The following PDE1A variants were observed in gnomAD, a reference collection of about 807,000 sequenced individuals.
The protein encoded by PDE1A is dual specificity calcium/calmodulin-dependent 3',5'-cyclic nucleotide phosphodiesterase 1A.
Under a neutral mutation model 61.7 loss-of-function variants are expected in PDE1A, and 35 were observed. That is an observed-to-expected ratio of 0.57 (90% CI 0.43 to 0.75). The LOEUF is 0.75. Among genes scored for constraint, PDE1A ranks in the 30% least tolerant of loss-of-function variants. The pLI is 0.00. For missense variants in PDE1A, 597 were observed against 630.6 expected, an observed-to-expected ratio of 0.95 and a Z score of 0.57; for synonymous variants, 232 against 213.2, an observed-to-expected ratio of 1.09 and a Z score of -0.77.
At chr2:182,327,016 A>C (rs1362075663) in intron 1 of PDE1A, among the ~76,000 whole-genome samples, 1 of 152,228 alleles carries the variant, frequency 6.6e-6, no homozygotes, top group Admixed American at 6.5e-5. Flanking sequence ...CTGTGATGCT[A>C]AATTGGTTCA....
the PDE1A span, among the ~76,000 whole-genome samples, chr2:182,543,408 T>C: frequency 6.6e-6 from 1 of 152,186 alleles, no homozygotes; most frequent in African/African-American, 2.4e-5. Flanking sequence ...TATATTTCAT[T>C]AGATAAACCA....
chr2:182,687,322 C>G, the PDE1A span, among the ~76,000 whole-genome samples: 1 of 152,194 alleles, frequency 6.6e-6, no homozygotes, highest in Admixed American at 6.5e-5. Context: ...CTGGGTTTCC[C>G]TCTGAGATGA....
intron 1 of PDE1A, among the ~76,000 whole-genome samples, chr2:182,326,023 A>C (rs1431999884): frequency 6.6e-6 from 1 of 152,218 alleles, no homozygotes; most frequent in Non-Finnish European, 1.5e-5. Context: ...AAATGAACAT[A>C]TGAGAAGACA....
intron 2 of PDE1A, among the ~76,000 whole-genome samples, chr2:182,454,453 A>G (rs1181225406): frequency 6.6e-6 from 1 of 152,150 alleles, no homozygotes; most frequent in Non-Finnish European, 1.5e-5. Flanking sequence ...AAGAGCCCGC[A>G]TCGCCAAGTC....
Position 182,238,266 on chromosome 2 carries a change from C to CAAAAAAAAA in PDE1A, c.350+1835_350+1843dup, listed in dbSNP as rs3063250. On this transcript the variant is annotated intron_variant, in intron 3 of 13. Transcript: ENST00000351439. ...CCTGGGTGACAGAGCCAGACTACGT[C>CAAAAAAAAA]AAAAAAAAAAAAAAAAGAAAAAGAA... Among the ~76,000 whole-genome samples, 72 of 97,968 alleles carry CAAAAAAAAA rather than the reference C, an allele frequency of 7.3e-4. 3 individuals carry two copies. The highest frequency in any genetic ancestry group is 2.5e-3 in the African/African-American group (56 of 22,664). The allele number at this position is 97,968 out of a possible 152,430, so 64.3% of individuals were successfully genotyped here.
chr2:182,366,429 C>T (rs943078259), intron 1 of PDE1A, among the ~76,000 whole-genome samples: 2 of 151,948 alleles, frequency 1.3e-5, no homozygotes, highest in Admixed American at 6.6e-5. Context: ...TATGATTTGC[C>T]GTTGGATCTC....
chr2:182,308,035 A>T (rs1695711084), intron 1 of PDE1A, among the ~76,000 whole-genome samples: 2 of 152,208 alleles, frequency 1.3e-5, no homozygotes, highest in Admixed American at 6.5e-5. Context: ...AACAGTTAGC[A>T]TTAAGACACT....
chr2:182,636,451 C>T, the PDE1A span, among the ~76,000 whole-genome samples: 7 of 152,032 alleles, frequency 4.6e-5, no homozygotes, highest in East Asian at 7.8e-4. Context: ...AGTTCAGAAA[C>T]GCTGCTTTCA....
chr2:182,439,579 T>C (rs1684659543), intron 2 of PDE1A, among the ~76,000 whole-genome samples: 1 of 151,952 alleles, frequency 6.6e-6, no homozygotes, highest in Non-Finnish European at 1.5e-5. Flanking sequence ...GAAAGACTAG[T>C]GGAACATTTC....
intron 2 of PDE1A, among the ~76,000 whole-genome samples, chr2:182,449,792 C>G (rs1024881444): frequency 6.6e-6 from 1 of 151,990 alleles, no homozygotes; most frequent in Non-Finnish European, 1.5e-5. Flanking sequence ...CTGAATATCT[C>G]TCTGTCTCAC....
At chr2:182,347,894 T>C (rs540185800) in intron 1 of PDE1A, among the ~76,000 whole-genome samples, 2 of 152,158 alleles carry the variant, frequency 1.3e-5, no homozygotes, top group South Asian at 2.1e-4. Flanking sequence ...TTTATGCTAG[T>C]TGAGGGGAAA....
intron 2 of PDE1A, among the ~76,000 whole-genome samples, chr2:182,256,572 T>C (rs1306545102): frequency 2.6e-5 from 4 of 152,032 alleles, no homozygotes; most frequent in African/African-American, 2.4e-5. Context: ...CGTATGTTTA[T>C]TGTGGCATTA....
In PDE1A at chr2:182,384,273, A is replaced by T. The variant is rs1396776373; in HGVS notation, c.53+42305T>A. On this transcript the variant is annotated intron_variant, in intron 1 of 13. Transcript: ENST00000351439. ...AAGAATCAAGAAGAATTAAGGAAAC[A>T]TCATCAAACAGACAAAATGAGGTTC... is the stretch of plus-strand genomic sequence containing the variant. Among the ~76,000 whole-genome samples, 6 of 152,314 alleles carry T rather than the reference A, an allele frequency of 3.9e-5. No individual in the cohort carries two copies. In the East Asian group the frequency reaches 9.6e-4, roughly 24 times the overall value.
At chr2:182,583,070 A>G in the PDE1A span, among the ~76,000 whole-genome samples, 1 of 152,194 alleles carries the variant, frequency 6.6e-6, no homozygotes, top group South Asian at 2.1e-4. Context: ...AGACAAAGAT[A>G]AATCCAGGAG....
At chr2:182,390,158 C>T (rs1701340847) in intron 1 of PDE1A, among the ~76,000 whole-genome samples, 2 of 152,030 alleles carry the variant, frequency 1.3e-5, no homozygotes, top group South Asian at 4.1e-4. Flanking sequence ...TAGTTCTGTC[C>T]CTCTAGAGAA....
At chr2:182,502,006 G>C (rs1446189151) in intron 2 of PDE1A, among the ~76,000 whole-genome samples, 2 of 152,138 alleles carry the variant, frequency 1.3e-5, no homozygotes, top group East Asian at 3.9e-4. Context: ...ACACAGATCT[G>C]ACTTTAAATA....
rs1367389768 is a variant in PDE1A, at chr2:182,262,968, T to TGTGTGTGC, written c.167+1332_167+1333insGCACACAC. On this transcript the variant is annotated intron_variant, in intron 2 of 13. Coordinates refer to ENST00000351439, the Ensembl canonical transcript of PDE1A. ...ACTTATTAAACAATGTGTGTGTGTG[T>TGTGTGTGC]GTGTGTGTGTGTGTGTGTGTGTGTA... Among the ~76,000 whole-genome samples, 52 of 151,810 alleles carry TGTGTGTGC rather than the reference T, an allele frequency of 3.4e-4. 2 individuals carry two copies. The South Asian group carries it at 0.011, about 32-fold the overall frequency.
the PDE1A span, among the ~76,000 whole-genome samples, chr2:182,577,987 A>AGGAAGGAAGGAG: frequency 2.7e-5 from 4 of 147,410 alleles, no homozygotes; most frequent in Admixed American, 1.3e-4. Flanking sequence ...GAAGGAAGGA[A>AGGAAGGAAGGAG]GGAAGGGACG....
chr2:182,579,918 C>T, the PDE1A span, among the ~76,000 whole-genome samples: 1 of 152,050 alleles, frequency 6.6e-6, no homozygotes, highest in Non-Finnish European at 1.5e-5. Flanking sequence ...TTCTTGTCCC[C>T]AAAAATGCTA....
Sources: gnomAD v4.1 joint callset for allele counts (sites outside exome capture counted in the v4.1 genomes callset) on GRCh38, gnomAD v4.1.1 for gene constraint, MANE v1.5 for transcripts, NCBI Gene and HGNC (gene_info 2026-07-23, HGNC 2026-07-21) for gene names.